The following AKAP7 variants were observed in gnomAD, a reference collection of about 807,000 sequenced individuals.
AKAP7 encodes A-kinase anchoring protein 7.
Under a neutral mutation model 39.5 loss-of-function variants are expected in AKAP7, and 39 were observed. The observed-to-expected ratio is 0.99, with a 90% confidence interval of 0.76 to 1.29. The LOEUF is 1.29. Ranked by LOEUF, AKAP7 falls within the 50% of genes most tolerant of loss-of-function variation. AKAP7 has a pLI of 0.00. For synonymous variants in AKAP7, 140 were observed against 139.1 expected, an observed-to-expected ratio of 1.01 and a Z score of -0.05; for missense variants, 414 against 407.7, an observed-to-expected ratio of 1.02 and a Z score of -0.13.
the AKAP7 span, among the ~76,000 whole-genome samples, chr6:131,129,930 AAC>A: frequency 2.0e-5 from 3 of 152,194 alleles, no homozygotes; most frequent in South Asian, 6.2e-4. Context: ...CAAGAATTAA[AAC>A]AGAGTCAATT....
intron 2 of AKAP7, among the ~76,000 whole-genome samples, chr6:131,159,047 C>T (rs574939557): frequency 9.9e-4 from 150 of 152,006 alleles, no homozygotes; most frequent in African/African-American, 3.3e-3. Flanking sequence ...GTATTGTAAA[C>T]GCTTCTCAGA....
chr6:131,138,251 A>T (rs1478471278), intron 1 of AKAP7, among the ~76,000 whole-genome samples: 2 of 152,208 alleles, frequency 1.3e-5, no homozygotes, highest in Admixed American at 6.5e-5. Context: ...ATTTCACTTA[A>T]CATAAGGATC....
At chr6:131,210,321 G>C (rs1239007114) in intron 6 of AKAP7, among the ~76,000 whole-genome samples, 1 of 152,210 alleles carries the variant, frequency 6.6e-6, no homozygotes, top group Admixed American at 6.5e-5. Flanking sequence ...TAAATTAAAA[G>C]ACAAAAAGGT....
chr6:131,181,690 G>T (rs1353676216), intron 5 of AKAP7, among the ~76,000 whole-genome samples: 1 of 152,120 alleles, frequency 6.6e-6, no homozygotes, highest in East Asian at 1.9e-4. Flanking sequence ...TGCACCCATT[G>T]TTTAAGATAT....
intron 6 of AKAP7, among the ~76,000 whole-genome samples, chr6:131,211,289 C>CT (rs978437947): frequency 1.3e-5 from 2 of 152,202 alleles, no homozygotes; most frequent in Non-Finnish European, 2.9e-5. Context: ...CCACTCACTG[C>CT]TTTTTTTATT....
At chr6:131,170,401 C>A (rs1803937663) in intron 5 of AKAP7, among the ~76,000 whole-genome samples, 1 of 152,090 alleles carries the variant, frequency 6.6e-6, no homozygotes, top group South Asian at 2.1e-4. Context: ...ATCTACCACC[C>A]CAAACAGAAG....
intron 6 of AKAP7, among the ~76,000 whole-genome samples, chr6:131,205,370 C>T (rs775995824): frequency 3.7e-4 from 56 of 151,958 alleles, no homozygotes; most frequent in South Asian, 1.7e-3. Flanking sequence ...TGAGCATTCA[C>T]CCCCTGGGAG....
chr6:131,237,854 C>G (rs967569286), intron 7 of AKAP7, among the ~76,000 whole-genome samples: 1 of 152,124 alleles, frequency 6.6e-6, no homozygotes, highest in Non-Finnish European at 1.5e-5. Flanking sequence ...TTCCAAAAAC[C>G]AGCTCCTGGA....
At chr6:131,149,761 T>C (rs983288824) in intron 2 of AKAP7, among the ~76,000 whole-genome samples, 10 of 152,210 alleles carry the variant, frequency 6.6e-5, no homozygotes, top group African/African-American at 2.4e-4. Flanking sequence ...ATGGGGTCTT[T>C]GCTGTTTACA....
chr6:131,236,787 A>G (rs1811105221), intron 7 of AKAP7, among the ~76,000 whole-genome samples: 1 of 152,236 alleles, frequency 6.6e-6, no homozygotes, highest in South Asian at 2.1e-4. Context: ...GTTGCCTATC[A>G]GCTTAAGGAG....
chr6:131,266,323 T>C (rs2128330567), intron 7 of AKAP7, among the ~76,000 whole-genome samples: 1 of 152,292 alleles, frequency 6.6e-6, no homozygotes, highest in Admixed American at 6.5e-5. Context: ...AGAACTGAAA[T>C]TCCTTTGCCT....
intron 4 of AKAP7, among the ~76,000 whole-genome samples, chr6:131,165,747 C>T (rs903957399): frequency 4.6e-5 from 7 of 152,142 alleles, no homozygotes; most frequent in African/African-American, 1.2e-4. Flanking sequence ...CTACCCCCAC[C>T]GCCCCCATGC....
the AKAP7 span, among the ~76,000 whole-genome samples, chr6:131,127,661 T>C: frequency 2.4e-4 from 36 of 152,324 alleles, no homozygotes; most frequent in African/African-American, 8.7e-4. Context: ...GGAAATGTTT[T>C]CAGTATATAT....
chr6:131,178,896 G>A lies in AKAP7; in HGVS notation c.589+9623G>A, dbSNP rs566364332. Among the ~76,000 whole-genome samples the A allele has an allele frequency of 2.0e-5, 3 of 152,186 alleles. No individual in the cohort carries two copies. In the East Asian group the frequency reaches 5.8e-4, roughly 29 times the overall value. ...TGCCTATATCTCCTGCCTTATCGTG[G>A]TCCTCTCTCCCTGCCCACTGTGCCC... On this transcript the variant is annotated intron_variant, in intron 5 of 7. Transcript: ENST00000431975.
chr6:131,243,782 A>G (rs2128314610), intron 7 of AKAP7, among the ~76,000 whole-genome samples: 1 of 152,246 alleles, frequency 6.6e-6, no homozygotes, highest in East Asian at 1.9e-4. Context: ...TGTAGAACCA[A>G]ATTTTCTGTT....
Position 131,207,619 on chromosome 6 carries a change from G to A in AKAP7, c.702+8046G>A, listed in dbSNP as rs186805083. Reference sequence around the variant, plus strand: ...CATAGTGTTGGGATTACAGATGTGAGCAACTGCACCCAGCCACATACTACA... The same window carrying A: ...CATAGTGTTGGGATTACAGATGTGAACAACTGCACCCAGCCACATACTACA... On this transcript the variant is annotated intron_variant, in intron 6 of 7. Coordinates refer to ENST00000431975, the MANE Select transcript of AKAP7 (RefSeq NM_016377.4). Among the ~76,000 whole-genome samples, 755 of 149,728 alleles carry A rather than the reference G, an allele frequency of 5.0e-3. 9 individuals are homozygous for A. Among genetic ancestry groups the A allele is most frequent in the Non-Finnish European group, 7.7e-3 (522 of 67,798 alleles).
intron 7 of AKAP7, among the ~76,000 whole-genome samples, chr6:131,271,204 C>T (rs889473802): frequency 3.9e-5 from 6 of 152,034 alleles, no homozygotes; most frequent in Non-Finnish European, 7.4e-5. Context: ...ACAAAGCTCT[C>T]GTATTAGGTC....
intron 7 of AKAP7, among the ~76,000 whole-genome samples, chr6:131,252,718 T>C (rs1213650944): frequency 2.6e-5 from 4 of 152,232 alleles, no homozygotes; most frequent in African/African-American, 4.8e-5. Flanking sequence ...TAAGTTGTGC[T>C]GATAATGTGA....
rs532275829 is a variant in AKAP7 at position 131,192,487 on chromosome 6, A to G, written c.590-6974A>G. 1.5e-3 allele frequency among the ~76,000 whole-genome samples: 229 copies of G among 152,266 alleles called. 1 individual carries two copies. Among genetic ancestry groups the G allele is most frequent in the African/African-American group, 5.3e-3 (221 of 41,554 alleles). On this transcript the variant is annotated intron_variant, in intron 5 of 7. Coordinates refer to ENST00000431975, the MANE Select transcript of AKAP7 (RefSeq NM_016377.4). ...CCAGTGCCATGCTGTTTTTGTTACTATAGCCCTGTAGTATAATTTGAAGTT... is the reference window on the plus strand; with the variant it reads ...CCAGTGCCATGCTGTTTTTGTTACTGTAGCCCTGTAGTATAATTTGAAGTT...
Sources: allele counts gnomAD v4.1 joint callset (sites outside exome capture counted in the v4.1 genomes callset), GRCh38; gene constraint gnomAD v4.1.1; transcripts MANE v1.5; gene names NCBI Gene and HGNC (gene_info 2026-07-23, HGNC 2026-07-21).